The following ACSBG1 variants were observed in gnomAD, a reference collection of about 807,000 sequenced individuals.
ACSBG1 encodes acyl-CoA synthetase bubblegum family member 1.
Under a neutral mutation model 80.2 loss-of-function variants are expected in ACSBG1, and 39 were observed. The observed-to-expected ratio is 0.49, with a 90% CI of 0.38 to 0.64. ACSBG1 has a LOEUF of 0.64. ACSBG1 is among the 30% of genes least tolerant of loss of function. ACSBG1 has a pLI of 0.00. For synonymous variants in ACSBG1, 392 were observed against 379.5 expected (o/e 1.03, Z -0.38); for missense variants, 828 against 966.4 (o/e 0.86, Z 1.90).
intron 2 of ACSBG1, among the ~76,000 whole-genome samples, chr15:78,204,422 G>C (rs898478097): frequency 2.0e-5 from 3 of 152,180 alleles, no homozygotes; most frequent in Non-Finnish European, 4.4e-5. Flanking sequence ...GCAAGAACCC[G>C]GGCATCCCAG....
chr15:78,181,416 G>A (rs1285226346), intron 8 of ACSBG1, among the ~76,000 whole-genome samples: 2 of 151,930 alleles, frequency 1.3e-5, no homozygotes, highest in Non-Finnish European at 2.9e-5. Context: ...ATACTCTGAG[G>A]ATGCCCGTCC....
intron 1 of ACSBG1, among the ~76,000 whole-genome samples, chr15:78,215,630 TG>T (rs1359722445): frequency 1.4e-5 from 2 of 147,256 alleles, no homozygotes; most frequent in African/African-American, 5.0e-5. Flanking sequence ...CACTCCAGCC[TG>T]GGCAACAAGA....
chr15:78,194,311 T>C (rs1429437006), intron 3 of ACSBG1, among the ~76,000 whole-genome samples, 195 bp downstream of exon 3: 1 of 152,154 alleles, frequency 6.6e-6, no homozygotes, highest in East Asian at 1.9e-4. Flanking sequence ...GCTTGGCACA[T>C]GGTAGGGGCT....
At position 78,174,472 on chromosome 15, in the gene ACSBG1, C is replaced by T. The variant is rs751005458; in HGVS notation, c.1755G>A (p.Glu585=). Residue 585 remains glutamate (E), a synonymous_variant, in exon 12 of 14, where the codon GAG becomes GAA. Coordinates refer to ENST00000258873, the MANE Select transcript of ACSBG1 (RefSeq NM_015162.5). The part of the protein sequence containing the change: ...GENVPPVPIE[E]AVKMELPIIS... ...TGATGGGCAGCTCCATCTTCACGGC[C>T]TCCTCGATGGGCACAGGGGGCACAT... The T allele has an allele frequency of 5.0e-6, 8 of 1,614,056 alleles. No homozygotes were observed. The highest frequency in any genetic ancestry group is 6.8e-6 in the Non-Finnish European group (8 of 1,180,042).
intron 2 of ACSBG1, among the ~76,000 whole-genome samples, chr15:78,204,617 C>T (rs1056535932): frequency 2.6e-5 from 4 of 152,232 alleles, no homozygotes; most frequent in South Asian, 2.1e-4. Flanking sequence ...CCGGGATTAC[C>T]TGTTTCCATA....
In ACSBG1 at chr15:78,171,627, G is replaced by C; in HGVS notation, c.2090-98C>G. The stretch of plus-strand genomic sequence containing the variant: ...CACACTCAGTCCTATATATAACTCA[G>C]GAATTAAGCCAGATAATCAGGACCG... On this transcript the variant is annotated intron_variant, in intron 13 of 13. Coordinates refer to ENST00000258873, the MANE Select transcript of ACSBG1 (RefSeq NM_015162.5). The C allele has an allele frequency of 4.0e-6, 4 of 999,872 alleles. No homozygotes were observed. In the Admixed American group the frequency reaches 8.1e-5, roughly 20 times the overall value. The allele number at this position is 999,872 out of a possible 1,614,324, so 61.9% of individuals were successfully genotyped here.
chr15:78,201,530 C>T (rs12102165), intron 2 of ACSBG1, among the ~76,000 whole-genome samples: 71 of 152,322 alleles, frequency 4.7e-4, no homozygotes, highest in African/African-American at 1.7e-3. Context: ...CTGGGCCCAC[C>T]ACAGCTCAGT....
intron 2 of ACSBG1, among the ~76,000 whole-genome samples, chr15:78,195,571 G>T (rs552045233): frequency 1.4e-4 from 21 of 152,274 alleles, no homozygotes; most frequent in African/African-American, 3.4e-4. Context: ...AATTTCAGGG[G>T]AAAGATGAGG....
rs769239533 is a variant in ACSBG1 at position 78,173,626 on chromosome 15, C to T, written c.2056G>A (p.Glu686Lys). The T allele has an allele frequency of 1.8e-5, 29 of 1,614,076 alleles. No individual in the cohort carries two copies. Among genetic ancestry groups the T allele is most frequent in the East Asian group, 6.7e-5 (3 of 44,892 alleles). Residue 686 changes from glutamate (E) to lysine (K), a missense_variant, in exon 13 of 14, where the codon GAG (glutamate) becomes AAG (lysine). By Grantham distance (56) the Glu-to-Lys change is moderately conservative (BLOSUM62 1). This residue lies in a region of ACSBG1 where 201 missense variants were observed against 227.0 expected (regional missense o/e 0.89). Transcript: ENST00000258873. Reference sequence around the variant, plus strand: ...CCACCCGAAATGGAGAAGTCTCTCTCGAGAATGGCCCACTTCTGGATGTGG... The same window carrying T: ...CCACCCGAAATGGAGAAGTCTCTCTTGAGAATGGCCCACTTCTGGATGTGG... ...PYHIQKWAIL[E>K]RDFSISGGEL...
At chr15:78,198,489 G>A (rs2075135373) in intron 2 of ACSBG1, among the ~76,000 whole-genome samples, 1 of 152,114 alleles carries the variant, frequency 6.6e-6, no homozygotes, top group Non-Finnish European at 1.5e-5. Flanking sequence ...TGGGATTACA[G>A]GTGCCCGCCA....
Position 78,171,368 on chromosome 15 carries a change from G to A in ACSBG1, c.*76C>T. On this transcript the variant is annotated 3_prime_UTR_variant, in exon 14 of 14. Transcript: ENST00000258873. Reference sequence around the variant, plus strand: ...TGGCAGAAATGCCTGTGCCCAGACTGAAGAGACCTGGGGCTCAGGAAGAGG... The same window carrying A: ...TGGCAGAAATGCCTGTGCCCAGACTAAAGAGACCTGGGGCTCAGGAAGAGG... 2 of 1,275,126 alleles carry A rather than the reference G, an allele frequency of 1.6e-6. No individual in the cohort carries two copies. The highest frequency in any genetic ancestry group is 1.9e-4 in the Middle Eastern group (1 of 5,340). 79.0% of individuals were successfully genotyped at this position (1,275,126 alleles called of 1,614,324 possible).
At chr15:78,223,072 T>C (rs1020394021) in intron 1 of ACSBG1, among the ~76,000 whole-genome samples, 1 of 152,158 alleles carries the variant, frequency 6.6e-6, no homozygotes, top group Non-Finnish European at 1.5e-5. Context: ...ATATGGGAAG[T>C]AACCTATATG....
chr15:78,231,259 T>C (rs2075444744), intron 1 of ACSBG1, among the ~76,000 whole-genome samples: 1 of 151,836 alleles, frequency 6.6e-6, no homozygotes, highest in African/African-American at 2.4e-5. Flanking sequence ...TAGCTGGGAT[T>C]ATAGGCATGC....
intron 13 of ACSBG1, 92 bp downstream of exon 13, chr15:78,173,501 C>T (rs2074848323): frequency 2.0e-6 from 3 of 1,528,028 alleles, no homozygotes; most frequent in African/African-American, 1.4e-5. Context: ...CTTCTCTTTG[C>T]CGTGGCTGCT....
At chr15:78,208,628 C>T (rs1041838228) in intron 1 of ACSBG1, among the ~76,000 whole-genome samples, 5 of 117,088 alleles carry the variant, frequency 4.3e-5, no homozygotes, top group African/African-American at 1.3e-4. Context: ...CAGTGAGGGC[C>T]TCCCCTCTTC....
chr15:78,194,405 G>C, intron 3 of ACSBG1, 101 bp downstream of exon 3: 5 of 1,094,026 alleles, frequency 4.6e-6, no homozygotes, highest in Non-Finnish European at 6.7e-6. Context: ...TTGTTCCTAA[G>C]AGCCTTGCCC....
Position 78,169,179 on chromosome 15 carries a change from C to T in ACSBG1, c.*2265G>A. The T allele has an allele frequency of 2.4e-6, 1 of 415,928 alleles. No individual in the cohort carries two copies. Among genetic ancestry groups the T allele is most frequent in the East Asian group, 3.5e-5 (1 of 28,636 alleles). 25.8% of individuals were successfully genotyped at this position (415,928 alleles called of 1,614,324 possible). ...AAGATGCAGGTGGATGTCCCTAGGT[C>T]TGTTTTCAAAGAACTTTTTCCAAGT... is the stretch of plus-strand genomic sequence containing the variant. On this transcript the variant is annotated 3_prime_UTR_variant, in exon 14 of 14. Transcript: ENST00000258873.
chr15:78,199,305 G>A (rs920185394), intron 2 of ACSBG1, among the ~76,000 whole-genome samples: 6 of 151,790 alleles, frequency 4.0e-5, no homozygotes, highest in Admixed American at 2.0e-4. Flanking sequence ...GGCTGGTATC[G>A]AACTCCTGAG....
intron 1 of ACSBG1, chr15:78,226,334 G>A (rs1353736924): frequency 6.6e-6 from 1 of 152,158 alleles, no homozygotes; most frequent in Non-Finnish European, 1.5e-5. Flanking sequence ...AATCCAAAAG[G>A]CAAGAATATC....
Sources: allele counts gnomAD v4.1 joint callset (sites outside exome capture counted in the v4.1 genomes callset), GRCh38; gene constraint gnomAD v4.1.1; regional missense constraint gnomAD v4.1.1; transcripts MANE v1.5; gene names NCBI Gene and HGNC (gene_info 2026-07-23, HGNC 2026-07-21).